The following ABCB8 variants were observed in gnomAD, a reference collection of about 807,000 sequenced individuals.
The protein encoded by ABCB8 is ATP binding cassette subfamily B member 8.
ABCB8 carries 52 observed loss-of-function variants against 73.0 expected under a neutral mutation model. That is an observed-to-expected ratio of 0.71 (90% CI 0.57 to 0.90). ABCB8 has a LOEUF of 0.90. ABCB8 is among the 40% of genes least tolerant of loss of function. The pLI is 0.00. For synonymous variants in ABCB8, 428 were observed against 423.5 expected (o/e 1.01, Z -0.13); for missense variants, 909 against 974.6 (o/e 0.93, Z 0.90).
rs769387562 is a variant in ABCB8, at chr7:151,035,694, C to A, written c.879C>A (p.Thr293=). ...CACCAGCCCTGATGGGAGTGGGCAC[C>A]CTGATGGGCTCAGGCCTCCGAAAAT... ...VATPALMGVG[T]LMGSGLRKLS... The change falls in exon 6 of 16, where the codon ACC becomes ACA. Residue 293 remains threonine, a synonymous_variant. Transcript: ENST00000358849. 2.1e-5 allele frequency: 34 copies of A among 1,613,554 alleles called. No individual in the cohort carries two copies. The highest frequency in any genetic ancestry group is 2.5e-5 in the Non-Finnish European group (29 of 1,180,036).
At chr7:151,044,252 G>A in intron 15 of ABCB8, 31 bp downstream of exon 15, 1 of 1,585,670 alleles carries the variant, frequency 6.3e-7, no homozygotes, top group East Asian at 2.3e-5. Flanking sequence ...GGATCAGTGG[G>A]TTGAGGATGG....
At position 151,042,045 on chromosome 7, in the gene ABCB8, G is replaced by A. The variant is rs889958098; in HGVS notation, c.1702G>A (p.Ala568Thr). The A allele has an allele frequency of 8.1e-6, 13 of 1,613,010 alleles. No individual in the cohort carries two copies. In the East Asian group the frequency reaches 2.2e-4, roughly 28 times the overall value. Residue 568 changes from alanine (A) to threonine (T), a missense_variant, in exon 14 of 16, where the codon GCC becomes ACC. Physicochemically the swap from Ala to Thr is moderately conservative, Grantham distance 58. Transcript: ENST00000358849. ...EASDEEVYTA[A>T]REANAHEFIT... is the part of the protein sequence containing the mutation. ...TTCCGATGAAGAGGTGTACACAGCCGCCCGGGAAGCGAATGCTCACGAGTT... is the reference window on the plus strand; with the variant it reads ...TTCCGATGAAGAGGTGTACACAGCCACCCGGGAAGCGAATGCTCACGAGTT...
rs753789923 is a variant in ABCB8, at chr7:151,034,788, G to A, written c.724G>A (p.Val242Met). The A allele has an allele frequency of 5.4e-5, 87 of 1,613,958 alleles. No homozygotes were observed. The highest frequency in any genetic ancestry group is 6.3e-5 in the Non-Finnish European group (74 of 1,179,974). ...GQLVSRLTTD[V>M]QEFKSSFKLV... The stretch of plus-strand genomic sequence containing the variant: ...GCTGGTGAGCCGCTTGACAACTGAC[G>A]TGCAGGAGTTTAAGTCATCCTTCAA... The change falls in exon 5 of 16, where the codon GTG (valine) becomes ATG (methionine). Residue 242 changes from valine to methionine, a missense_variant. By Grantham distance (21) the Val-to-Met change is conservative (BLOSUM62 1). Transcript: ENST00000358849.
rs1253638185 is a variant in ABCB8 at position 151,047,250 on chromosome 7, C to T, written c.*1901C>T. 2 of 151,404 alleles carry T rather than the reference C, an allele frequency of 1.3e-5. No individual in the cohort carries two copies. The highest frequency in any genetic ancestry group is 2.4e-5 in the African/African-American group (1 of 41,074). 9.4% of individuals were successfully genotyped at this position (151,404 alleles called of 1,614,324 possible). ...GAAGCAGTGAAACCCCTTGGCTAGT[C>T]CAGCTGGAAGAGCTAGACCGCAGGA... On this transcript the variant is annotated 3_prime_UTR_variant, in exon 16 of 16. Transcript: ENST00000358849.
chr7:151,033,114 C>T, intron 1 of ABCB8: 2 of 457,638 alleles, frequency 4.4e-6, no homozygotes, highest in Admixed American at 4.7e-5. Context: ...GGGAAGTAGC[C>T]CATTAGCTCC....
At chr7:151,035,491 G>T (rs1357776263) in intron 5 of ABCB8, 90 bp from the exon 6 acceptor site, 1 of 1,446,006 alleles carries the variant, frequency 6.9e-7, no homozygotes, top group South Asian at 1.3e-5. Flanking sequence ...GGCCGTGGGA[G>T]TGCAGAGCTA....
Position 151,028,487 on chromosome 7 carries a change from G to A in ABCB8, c.-29G>A, listed in dbSNP as rs745702573. 16 of 1,600,588 alleles carry A rather than the reference G, an allele frequency of 1.0e-5. No homozygotes were observed. The highest frequency in any genetic ancestry group is 1.4e-5 in the Non-Finnish European group (16 of 1,173,928). On this transcript the variant is annotated 5_prime_UTR_variant, in exon 1 of 16. Transcript: ENST00000358849. The stretch of plus-strand genomic sequence containing the variant: ...GTGGGATGAGGGTGAAACTGCTATT[G>A]CCGGCGGCTCCTGTTTTACCGCGTC...
intron 6 of ABCB8, 57 bp downstream of exon 6, chr7:151,035,799 C>T (rs757860340): frequency 1.2e-6 from 2 of 1,609,646 alleles, no homozygotes; most frequent in African/African-American, 2.7e-5. Flanking sequence ...TCTTTCCACT[C>T]CCCGGAACTC....
Position 151,036,236 on chromosome 7 carries a change from G to A in ABCB8, c.1111+66G>A. On this transcript the variant is annotated intron_variant, in intron 8 of 15. Coordinates refer to ENST00000358849, the MANE Select transcript of ABCB8 (RefSeq NM_007188.5). ...TGGGGAGGAGCTGGGAGCAGCCAAGGCAGGCAAAGGCCCTCCCTTCATCTG... is the reference window on the plus strand; with the variant it reads ...TGGGGAGGAGCTGGGAGCAGCCAAGACAGGCAAAGGCCCTCCCTTCATCTG... The A allele has an allele frequency of 2.8e-6, 4 of 1,445,500 alleles. No individual in the cohort carries two copies. The South Asian group carries it at 3.9e-5, about 14-fold the overall frequency. The allele number at this position is 1,445,500 out of a possible 1,614,324, so 89.5% of individuals were successfully genotyped here. A position where few individuals can be genotyped will look rare whatever the true frequency, so the allele number is the denominator to read the frequency against.
rs1285581963 is a variant in ABCB8, at chr7:151,028,619, G to C, written c.95+9G>C. On this transcript the variant is annotated intron_variant, in intron 1 of 15. Coordinates refer to ENST00000358849, the MANE Select transcript of ABCB8 (RefSeq NM_007188.5). ...ACATTCTCAGCTGTCAGGTAAAAAC[G>C]GAAAAACCTACTCAGAGCGGGCCAT... The C allele has an allele frequency of 1.9e-6, 3 of 1,612,640 alleles. No individual in the cohort carries two copies. In the East Asian group the frequency reaches 6.7e-5, roughly 36 times the overall value.
At chr7:151,031,333 GA>G in intron 1 of ABCB8, 6 of 1,528,460 alleles carry the variant, frequency 3.9e-6, no homozygotes, top group Non-Finnish European at 5.3e-6. Context: ...GAACACAGTG[GA>G]AAACAAGACA....
At chr7:151,034,449 G>A in intron 3 of ABCB8, 21 bp downstream of exon 3, 1 of 1,613,736 alleles carries the variant, frequency 6.2e-7, no homozygotes, top group Non-Finnish European at 8.5e-7. Context: ...GAGTGGGGCT[G>A]GGGACCGCCG....
intron 14 of ABCB8, among the ~76,000 whole-genome samples, chr7:151,042,640 C>T (rs1374432881): frequency 6.6e-6 from 1 of 152,250 alleles, no homozygotes; most frequent in African/African-American, 2.4e-5. Flanking sequence ...CCTGGCACTG[C>T]AGGGCGTGCA....
chr7:151,043,908 C>T, intron 14 of ABCB8, 63 bp from the exon 15 acceptor site: 1 of 1,588,170 alleles, frequency 6.3e-7, no homozygotes, highest in South Asian at 1.1e-5. Context: ...GGACCCTGTG[C>T]CCCTTTGTGG....
At chr7:151,031,585 C>G (rs1433390005) in intron 1 of ABCB8, 2 of 285,148 alleles carry the variant, frequency 7.0e-6, no homozygotes, top group South Asian at 8.0e-5. Context: ...AACTTCTGCT[C>G]CCTACAACCA....
chr7:151,042,510 C>T (rs1336782793), intron 14 of ABCB8, among the ~76,000 whole-genome samples: 2 of 152,190 alleles, frequency 1.3e-5, no homozygotes, highest in Non-Finnish European at 2.9e-5. Flanking sequence ...CCATCCATCC[C>T]CCTCTGGCTC....
intron 1 of ABCB8, chr7:151,032,703 A>G (rs1476263246): frequency 5.6e-6 from 1 of 179,416 alleles, no homozygotes; most frequent in East Asian, 1.5e-4. Flanking sequence ...CAAAAAAAAA[A>G]AAAACACAAT....
In ABCB8 at chr7:151,028,589, T is replaced by C; in HGVS notation, c.74T>C (p.Phe25Ser). Reference protein sequence around the residue: ...FPGRLLPPLRFQTFSAVRYSD... With the variant: ...FPGRLLPPLRSQTFSAVRYSD... ...GGCAGGCTGCTACCGCCCCTCCGCT[T>C]CCAGACATTCTCAGCTGTCAGGTAA... is the stretch of plus-strand genomic sequence containing the variant. Residue 25 changes from phenylalanine (F) to serine (S), a missense_variant, in exon 1 of 16, where the codon TTC (phenylalanine) becomes TCC (serine). Coordinates refer to ENST00000358849, the MANE Select transcript of ABCB8 (RefSeq NM_007188.5). 6.2e-7 allele frequency: 1 copy of C among 1,613,850 alleles called. No individual in the cohort carries two copies.
chr7:151,043,075 C>T (rs1796511196), intron 14 of ABCB8, among the ~76,000 whole-genome samples: 1 of 152,244 alleles, frequency 6.6e-6, no homozygotes, highest in East Asian at 1.9e-4. Context: ...CCTCTGTGGG[C>T]TTCGAATCCC....
Sources: gnomAD v4.1 joint callset for allele counts (sites outside exome capture counted in the v4.1 genomes callset) on GRCh38, gnomAD v4.1.1 for gene constraint, MANE v1.5 for transcripts, NCBI Gene and HGNC (gene_info 2026-07-23, HGNC 2026-07-21) for gene names.